The following ERO1B variants were observed in gnomAD, a reference collection of about 807,000 sequenced individuals.
ERO1B encodes endoplasmic reticulum oxidoreductase 1 beta.
A neutral mutation model predicts 75.3 loss-of-function variants in ERO1B; 49 were observed. The ratio of observed to expected loss-of-function variants is 0.65; its 90% confidence interval spans 0.52 to 0.83. The LOEUF is 0.83. Among genes scored for constraint, ERO1B ranks in the 40% least tolerant of loss-of-function variants. The probability of loss-of-function intolerance (pLI) is 0.00; values close to 1 mark genes in which losing one functional copy is unlikely to be tolerated. For synonymous variants in ERO1B, 191 were observed against 192.9 expected (o/e 0.99, Z 0.08); for missense variants, 512 against 560.1 (o/e 0.91, Z 0.87).
At chr1:236,237,351 G>A (rs886753604) in intron 6 of ERO1B, among the ~76,000 whole-genome samples, 12 of 151,862 alleles carry the variant, frequency 7.9e-5, no homozygotes, top group African/African-American at 2.7e-4. Flanking sequence ...TCCTGACCTC[G>A]TGATCCACCT....
At chr1:236,254,965 C>G (rs927041523) in intron 2 of ERO1B, among the ~76,000 whole-genome samples, 2 of 151,882 alleles carry the variant, frequency 1.3e-5, no homozygotes, top group Non-Finnish European at 2.9e-5. Context: ...CTCTGTTACC[C>G]AGGCTGGAGT....
At chr1:236,260,302 C>A (rs2812466) in intron 2 of ERO1B, among the ~76,000 whole-genome samples, 37,728 of 151,970 alleles carry the variant, frequency 0.25, 4,876 homozygotes, top group East Asian at 0.38. Flanking sequence ...GTAAGGAAGT[C>A]ATGAAAATCT....
In ERO1B at chr1:236,215,939, C is replaced by T. The variant is rs1017823647; in HGVS notation, c.*2577G>A. ...ATATACATACAGAGATTACAAATAT[C>T]GAATAATTCACAATGTTAAAAATGT... On this transcript the variant is annotated 3_prime_UTR_variant, in exon 16 of 16. Coordinates refer to ENST00000354619, the MANE Select transcript of ERO1B (RefSeq NM_019891.4). 9.3e-5 allele frequency: 14 copies of T among 150,970 alleles called. No individual in the cohort carries two copies. The highest frequency in any genetic ancestry group is 2.1e-4 in the South Asian group (1 of 4,788). 9.4% of individuals were successfully genotyped at this position (150,970 alleles called of 1,614,324 possible).
At chr1:236,260,566 G>A (rs1414576795) in intron 2 of ERO1B, among the ~76,000 whole-genome samples, 1 of 151,902 alleles carries the variant, frequency 6.6e-6, no homozygotes, top group African/African-American at 2.4e-5. Context: ...TCAACAGGCT[G>A]AGGCAGGAGA....
intron 6 of ERO1B, among the ~76,000 whole-genome samples, chr1:236,241,326 C>T (rs1370470066): frequency 6.6e-6 from 1 of 151,952 alleles, no homozygotes; most frequent in Admixed American, 6.6e-5. Context: ...GACGGATCAC[C>T]TGAGGTCAGG....
chr1:236,269,947 A>T lies in ERO1B; in HGVS notation c.150T>A (p.Asp50Glu). 1 of 1,605,076 alleles carries T rather than the reference A, an allele frequency of 6.2e-7. No individual in the cohort carries two copies. The highest frequency in any genetic ancestry group is 8.5e-7 in the Non-Finnish European group (1 of 1,172,074). The stretch of plus-strand genomic sequence containing the variant: ...GGAAGATTTTGTAGGTATTGAAGTT[A>T]TCGATGCTGTCAATATCACACAAGC... Reference protein sequence around the residue: ...DDCLCDIDSIDNFNTYKIFPK... With the variant: ...DDCLCDIDSIENFNTYKIFPK... The change falls in exon 2 of 16, where the codon GAT becomes GAA. Residue 50 changes from aspartate to glutamate, a missense_variant. Asp to Glu is a conservative substitution (Grantham distance 45, BLOSUM62 2). Transcript: ENST00000354619.
intron 2 of ERO1B, among the ~76,000 whole-genome samples, chr1:236,269,136 G>A (rs1665533383): frequency 6.6e-6 from 1 of 152,106 alleles, no homozygotes; most frequent in South Asian, 2.1e-4. Context: ...TCAGAAGGCT[G>A]AAGCAGAAGA....
rs1209621016 is a variant in ERO1B at position 236,220,845 on chromosome 1, T to C, written c.1330A>G (p.Asn444Asp). ...AATGGTTCTTACCTTCCAAAAGCAT[T>C]TAAAAGAGCAACTATTTCCTGTCGG... ...LTRQEIVALL[N>D]AFGRLSTSIR... The change falls in exon 15 of 16, where the codon AAT becomes GAT. Residue 444 changes from asparagine to aspartate, a missense_variant. Coordinates refer to ENST00000354619, the MANE Select transcript of ERO1B (RefSeq NM_019891.4). 1 of 1,583,982 alleles carries C rather than the reference T, an allele frequency of 6.3e-7. No homozygotes were observed. The highest frequency in any genetic ancestry group is 1.4e-5 in the African/African-American group (1 of 73,256).
rs758680703 is a variant in ERO1B, at chr1:236,221,975, A to G, written c.1158T>C (p.Arg386=). The change falls in exon 14 of 16, where the codon CGT becomes CGC. Residue 386 remains arginine, a synonymous_variant. Coordinates refer to ENST00000354619, the MANE Select transcript of ERO1B (RefSeq NM_019891.4). ...TGTCACATCCAACACAGTCCATTAT[A>G]CGGGAGATATTCTTGAAATGTAATC... ...EFRLHFKNIS[R]IMDCVGCDKC... is the part of the protein sequence containing the mutation. The G allele has an allele frequency of 6.2e-7, 1 of 1,613,786 alleles. No individual in the cohort carries two copies. The highest frequency in any genetic ancestry group is 1.7e-5 in the Admixed American group (1 of 60,010).
At chr1:236,258,734 C>T (rs1665224527) in intron 2 of ERO1B, among the ~76,000 whole-genome samples, 1 of 152,014 alleles carries the variant, frequency 6.6e-6, no homozygotes, top group Non-Finnish European at 1.5e-5. Context: ...TAAAAAAGTA[C>T]AAAAATTAGC....
intron 13 of ERO1B, among the ~76,000 whole-genome samples, chr1:236,222,213 G>A (rs1664166468): frequency 6.6e-6 from 1 of 152,158 alleles, no homozygotes; most frequent in African/African-American, 2.4e-5. Context: ...AGGTTCAAGG[G>A]ATTCTCCTGT....
intron 1 of ERO1B, among the ~76,000 whole-genome samples, chr1:236,280,371 C>T (rs1665805866): frequency 6.6e-6 from 1 of 152,098 alleles, no homozygotes; most frequent in Admixed American, 6.5e-5. Context: ...AGTAAGTCTG[C>T]CCAGATTACC....
chr1:236,262,691 C>T (rs1665319449), intron 2 of ERO1B, among the ~76,000 whole-genome samples: 1 of 152,180 alleles, frequency 6.6e-6, no homozygotes, highest in Non-Finnish European at 1.5e-5. Context: ...GAGCGTGAGC[C>T]ACCATGCCCA....
intron 8 of ERO1B, among the ~76,000 whole-genome samples, chr1:236,233,839 A>G (rs370135558): frequency 9.2e-5 from 14 of 152,302 alleles, no homozygotes; most frequent in African/African-American, 2.9e-4. Flanking sequence ...AACTGTAATC[A>G]GTGAAACCCT....
intron 2 of ERO1B, among the ~76,000 whole-genome samples, chr1:236,260,614 G>A (rs1175038224): frequency 2.0e-5 from 3 of 150,706 alleles, no homozygotes; most frequent in South Asian, 2.1e-4. Flanking sequence ...GCAATGAGCC[G>A]AGATCGCGCC....
intron 8 of ERO1B, 29 bp from the exon 9 acceptor site, chr1:236,232,868 T>C (rs1208886892): frequency 1.3e-6 from 2 of 1,580,366 alleles, no homozygotes; most frequent in East Asian, 2.3e-5. Context: ...GAAAAGATTT[T>C]AGAAAATGTC....
At chr1:236,234,474 T>C (rs1383057070) in intron 8 of ERO1B, among the ~76,000 whole-genome samples, 2 of 152,262 alleles carry the variant, frequency 1.3e-5, no homozygotes, top group Admixed American at 1.3e-4. Context: ...ATAACTACTA[T>C]ATTGCTTCAA....
In ERO1B at chr1:236,226,443, T is replaced by C; in HGVS notation, c.878A>G (p.Lys293Arg). 1.2e-6 allele frequency: 2 copies of C among 1,614,150 alleles called. No individual in the cohort carries two copies. The highest frequency in any genetic ancestry group is 1.7e-6 in the Non-Finnish European group (2 of 1,180,018). ...FKHRFDPVET[K>R]GEGPRRLKNL... Reference sequence around the variant, plus strand: ...CTTGAGCCTTCTTGGACCTTCTCCCTTGGTTTCCACAGGGTCAAAGCGGTG... The same window carrying C: ...CTTGAGCCTTCTTGGACCTTCTCCCCTGGTTTCCACAGGGTCAAAGCGGTG... Residue 293 changes from lysine to arginine, a missense_variant, in exon 12 of 16, where the codon AAG (lysine) becomes AGG (arginine). Physicochemically the swap from Lys to Arg is conservative, Grantham distance 26 (BLOSUM62 2). Transcript: ENST00000354619.
intron 1 of ERO1B, among the ~76,000 whole-genome samples, chr1:236,278,928 C>T (rs965949213): frequency 2.0e-5 from 3 of 152,192 alleles, no homozygotes; most frequent in African/African-American, 7.2e-5. Context: ...AATTCTAATT[C>T]TTCCCTTTAT....
Sources: gnomAD v4.1 joint callset for allele counts (sites outside exome capture counted in the v4.1 genomes callset) on GRCh38, gnomAD v4.1.1 for gene constraint, MANE v1.5 for transcripts, NCBI Gene and HGNC (gene_info 2026-07-23, HGNC 2026-07-21) for gene names.